PGGT1B: variants seen among roughly 807,000 people sequenced by gnomAD.
The protein encoded by PGGT1B is protein geranylgeranyltransferase type I subunit beta, also known as geranylgeranyl transferase type-1 subunit beta.
Under a neutral mutation model 46.1 loss-of-function variants are expected in PGGT1B, and 30 were observed. The ratio of observed to expected loss-of-function variants is 0.65; its 90% CI spans 0.49 to 0.88. PGGT1B has a LOEUF of 0.88. Among genes scored for constraint, PGGT1B ranks in the 40% least tolerant of loss-of-function variants. The pLI, the probability that PGGT1B is intolerant of heterozygous loss-of-function variation, is 0.00. For missense variants in PGGT1B, 376 were observed against 455.9 expected (o/e 0.82, Z 1.60); for synonymous variants, 170 against 160.0 (o/e 1.06, Z -0.47).
chr5:115,212,973 T>A (rs929493317), intron 8 of PGGT1B, among the ~76,000 whole-genome samples: 1 of 152,098 alleles, frequency 6.6e-6, no homozygotes, highest in African/African-American at 2.4e-5. Flanking sequence ...ATCATTAAGT[T>A]TTTTTTTCTT....
chr5:115,247,186 A>G (rs960024180), intron 2 of PGGT1B, among the ~76,000 whole-genome samples: 1 of 152,204 alleles, frequency 6.6e-6, no homozygotes, highest in African/African-American at 2.4e-5. Context: ...ATTGAAAGAT[A>G]GTACATTTAG....
intron 2 of PGGT1B, among the ~76,000 whole-genome samples, chr5:115,246,410 G>A (rs2127021749): frequency 6.6e-6 from 1 of 151,812 alleles, no homozygotes; most frequent in South Asian, 2.1e-4. Context: ...CTCTTTTGCG[G>A]TTTCTGTCAA....
chr5:115,256,735 C>T (rs1748331968), intron 1 of PGGT1B, among the ~76,000 whole-genome samples: 1 of 152,100 alleles, frequency 6.6e-6, no homozygotes, highest in South Asian at 2.1e-4. Context: ...CCACAAAAAA[C>T]ACAAAGGAAT....
chr5:115,253,037 T>C (rs1580779269), intron 2 of PGGT1B, 100 bp downstream of exon 2: 2 of 983,028 alleles, frequency 2.0e-6, no homozygotes, highest in East Asian at 5.3e-5. Context: ...ATAAATAAAA[T>C]ATGTTAACAG....
chr5:115,206,432 G>A lies in PGGT1B; in HGVS notation c.*5970C>T, dbSNP rs530767623. 7.9e-5 allele frequency: 12 copies of A among 152,058 alleles called. No individual in the cohort carries two copies. In the East Asian group the frequency reaches 2.3e-3, roughly 29 times the overall value. The allele number at this position is 152,058 out of a possible 1,614,324, so 9.4% of individuals were successfully genotyped here. A position where few individuals can be genotyped will look rare whatever the true frequency, so the allele number is the denominator to read the frequency against. ...TAAATATCTGAATAATTAAGCACCA[G>A]TAATCTCAATAGCACTTACTTAAAA... On this transcript the variant is annotated 3_prime_UTR_variant, in exon 9 of 9. Coordinates refer to ENST00000419445, the MANE Select transcript of PGGT1B (RefSeq NM_005023.4).
At chr5:115,242,832 T>C (rs1272106492) in intron 2 of PGGT1B, among the ~76,000 whole-genome samples, 1 of 152,106 alleles carries the variant, frequency 6.6e-6, no homozygotes, top group Non-Finnish European at 1.5e-5. Context: ...ATGGGTGTAG[T>C]GGCACCTGCC....
At chr5:115,243,265 G>A (rs931304421) in intron 2 of PGGT1B, among the ~76,000 whole-genome samples, 3 of 152,130 alleles carry the variant, frequency 2.0e-5, no homozygotes, top group Admixed American at 2.0e-4. Flanking sequence ...GAGAAGAAAT[G>A]CACACTGCAG....
chr5:115,261,059 A>G (rs1748536040), intron 1 of PGGT1B, among the ~76,000 whole-genome samples: 2 of 152,234 alleles, frequency 1.3e-5, no homozygotes, highest in African/African-American at 4.8e-5. Flanking sequence ...GTGTATGTAT[A>G]CGATAAATAT....
intron 1 of PGGT1B, among the ~76,000 whole-genome samples, chr5:115,260,045 C>A (rs567007324): frequency 3.9e-5 from 6 of 152,170 alleles, no homozygotes; most frequent in East Asian, 1.9e-4. Context: ...AGCTCCCAAC[C>A]CAAGATTTAA....
intron 4 of PGGT1B, 104 bp from the exon 5 acceptor site, chr5:115,236,626 C>G: frequency 1.6e-6 from 1 of 609,488 alleles, no homozygotes; most frequent in Non-Finnish European, 2.7e-6. Context: ...ACAGAAAAAT[C>G]TGTTGATTAT....
chr5:115,222,027 C>A lies in PGGT1B; in HGVS notation c.659-19G>T. 6.8e-7 allele frequency: 1 copy of A among 1,480,216 alleles called. No individual in the cohort carries two copies. The highest frequency in any genetic ancestry group is 9.0e-7 in the Non-Finnish European group (1 of 1,107,906). 91.7% of individuals were successfully genotyped at this position (1,480,216 alleles called of 1,614,324 possible). A position where few individuals can be genotyped will look rare whatever the true frequency, so the allele number is the denominator to read the frequency against. Reference sequence around the variant, plus strand: ...GATCCTCCTGTTAATCAAAACCACACAACGTTTTAAACTTCAAATTAGATG... The same window carrying A: ...GATCCTCCTGTTAATCAAAACCACAAAACGTTTTAAACTTCAAATTAGATG... On this transcript the variant is annotated intron_variant, in intron 6 of 8. Transcript: ENST00000419445.
At chr5:115,220,033 G>A (rs1756540150) in intron 7 of PGGT1B, among the ~76,000 whole-genome samples, 1 of 151,698 alleles carries the variant, frequency 6.6e-6, no homozygotes, top group South Asian at 2.1e-4. Flanking sequence ...GAAAAGTTTG[G>A]CATTTCCTCA....
rs1163423657 is a variant in PGGT1B at position 115,253,256 on chromosome 5, C to A, written c.141-1G>T. ...GAGTGCAAAAAATGCAATTGTCAAC[C>A]TAAAAGAAAAAAATGTAAAATTCCA... On this transcript the variant is annotated splice_acceptor_variant, in intron 1 of 8. Transcript: ENST00000419445. LOFTEE classifies it high-confidence loss of function. 2 of 1,568,706 alleles carry A rather than the reference C, an allele frequency of 1.3e-6. No homozygotes were observed. Among genetic ancestry groups the A allele is most frequent in the Non-Finnish European group, 8.6e-7 (1 of 1,164,310 alleles).
intron 4 of PGGT1B, among the ~76,000 whole-genome samples, chr5:115,236,935 C>A (rs1757202044): frequency 6.6e-6 from 1 of 152,098 alleles, no homozygotes; most frequent in African/African-American, 2.4e-5. Flanking sequence ...TGTGAAATTT[C>A]TTCTAAATGT....
At chr5:115,254,864 C>T (rs903266673) in intron 1 of PGGT1B, among the ~76,000 whole-genome samples, 1 of 152,036 alleles carries the variant, frequency 6.6e-6, no homozygotes, top group African/African-American at 2.4e-5. Context: ...TAACAACACA[C>T]TGAGATCTAT....
chr5:115,206,506 G>A lies in PGGT1B; in HGVS notation c.*5896C>T, dbSNP rs1756067259. 6.6e-6 allele frequency: 1 copy of A among 151,878 alleles called. No individual in the cohort carries two copies. Among genetic ancestry groups the A allele is most frequent in the Non-Finnish European group, 1.5e-5 (1 of 67,840 alleles). 9.4% of individuals were successfully genotyped at this position (151,878 alleles called of 1,614,324 possible). ...ATGCTGCCTTTACTGTATTCTAAAT[G>A]CCACTGAGTCTATTTCTGGAATTCC... On this transcript the variant is annotated 3_prime_UTR_variant, in exon 9 of 9. Coordinates refer to ENST00000419445, the MANE Select transcript of PGGT1B (RefSeq NM_005023.4).
At chr5:115,249,069 ACATT>A (rs1485381410) in intron 2 of PGGT1B, among the ~76,000 whole-genome samples, 1 of 152,172 alleles carries the variant, frequency 6.6e-6, no homozygotes, top group African/African-American at 2.4e-5. Context: ...CTTATGGTAA[ACATT>A]CAAACAATTC....
At chr5:115,215,686 A>G (rs1756394423) in intron 8 of PGGT1B, among the ~76,000 whole-genome samples, 1 of 152,134 alleles carries the variant, frequency 6.6e-6, no homozygotes, top group East Asian at 1.9e-4. Flanking sequence ...TGATTTCATG[A>G]GCTCCTTATT....
At chr5:115,254,705 C>T (rs1748241864) in intron 1 of PGGT1B, among the ~76,000 whole-genome samples, 2 of 151,454 alleles carry the variant, frequency 1.3e-5, no homozygotes, top group Non-Finnish European at 2.9e-5. Flanking sequence ...TAATTTAATT[C>T]CAACCAAAGC....
Sources: allele counts gnomAD v4.1 joint callset (sites outside exome capture counted in the v4.1 genomes callset), GRCh38; gene constraint gnomAD v4.1.1; transcripts MANE v1.5; gene names NCBI Gene and HGNC (gene_info 2026-07-23, HGNC 2026-07-21).